Variants in AFF2 observed in about 807,000 individuals in gnomAD.
The protein encoded by AFF2 is ALF transcription elongation factor 2.
A neutral mutation model predicts 76.9 loss-of-function variants in AFF2; 14 were observed. That is an observed-to-expected ratio of 0.18 (90% CI 0.12 to 0.28). The LOEUF (loss-of-function observed/expected upper bound fraction) is 0.28. Ranked by LOEUF, AFF2 falls within the 10% of genes least tolerant of loss-of-function variation. The pLI is 1.00. For synonymous variants in AFF2, 398 were observed against 366.7 expected, an observed-to-expected ratio of 1.09 and a Z score of -0.98; for missense variants, 868 against 1,001.1, an observed-to-expected ratio of 0.87 and a Z score of 1.79.
At chrX:148,983,637 G>T (rs781940745) in intron 19 of AFF2, among the ~76,000 whole-genome samples, 1 of 111,421 alleles carries the variant, frequency 9.0e-6, no homozygotes, top group African/African-American at 3.3e-5. Context: ...ACTCCAGATT[G>T]CCAGAAAAGA....
intron 9 of AFF2, among the ~76,000 whole-genome samples, chrX:148,930,618 G>A (rs2071700777): frequency 8.9e-6 from 1 of 112,268 alleles, no homozygotes; most frequent in Admixed American, 9.4e-5. Context: ...ATTCACTACT[G>A]GCATTCTAAA....
intron 3 of AFF2, among the ~76,000 whole-genome samples, chrX:148,750,171 T>C (rs2055479654): frequency 1.8e-5 from 2 of 110,074 alleles, no homozygotes; most frequent in Non-Finnish European, 3.8e-5. Flanking sequence ...CATTTCACCA[T>C]GTTGGCCAGG....
rs2072602593 is a variant in AFF2, at chrX:148,996,571, A to G, written c.*5239A>G. On this transcript the variant is annotated 3_prime_UTR_variant, in exon 21 of 21. Coordinates refer to ENST00000370460, the MANE Select transcript of AFF2 (RefSeq NM_002025.4). ...TGTGGACACACACAGACACACACAC[A>G]CAAACTCACCCTTACACACACACTT... 8.9e-6 allele frequency: 1 copy of G among 112,557 alleles called. No individual in the cohort carries two copies. Among genetic ancestry groups the G allele is most frequent in the South Asian group, 3.7e-4 (1 of 2,694 alleles). 9.3% of individuals were successfully genotyped at this position (112,557 alleles called of 1,213,427 possible).
chrX:148,686,300 A>G (rs2054601525), intron 3 of AFF2, among the ~76,000 whole-genome samples: 1 of 111,789 alleles, frequency 8.9e-6, no homozygotes, highest in Non-Finnish European at 1.9e-5. Context: ...TGCTGAATGA[A>G]AGGCCCAGGA....
intron 1 of AFF2, among the ~76,000 whole-genome samples, chrX:148,511,315 G>T (rs781936438): frequency 2.7e-5 from 3 of 111,453 alleles, no homozygotes; most frequent in East Asian, 2.8e-4. Flanking sequence ...TAGTACAAAG[G>T]GGGGATAACA....
intron 7 of AFF2, among the ~76,000 whole-genome samples, chrX:148,862,074 A>C (rs1350910427): frequency 1.8e-5 from 2 of 110,885 alleles, no homozygotes; most frequent in African/African-American, 6.6e-5. Context: ...AGAGACAAAA[A>C]CACTGCATAC....
chrX:148,793,442 T>C (rs1206942897), intron 3 of AFF2, among the ~76,000 whole-genome samples: 2 of 111,725 alleles, frequency 1.8e-5, no homozygotes, highest in Non-Finnish European at 3.8e-5. Context: ...TTTGAAGAGA[T>C]ACTATGTTTT....
chrX:148,677,846 G>T (rs1187732199), intron 3 of AFF2, among the ~76,000 whole-genome samples: 1 of 111,762 alleles, frequency 8.9e-6, no homozygotes, highest in Non-Finnish European at 1.9e-5. Flanking sequence ...GGGTTGTTCT[G>T]ACTATCTGTA....
intron 1 of AFF2, among the ~76,000 whole-genome samples, chrX:148,554,999 A>T (rs1017302140): frequency 2.1e-4 from 24 of 112,554 alleles, no homozygotes; most frequent in Non-Finnish European, 9.4e-5. Flanking sequence ...TCTGGGTCTT[A>T]GCCCTGTCTC....
Position 148,725,346 on chromosome X carries a change from G to A in AFF2, c.1041+62578G>A, listed in dbSNP as rs541120879. Among the ~76,000 whole-genome samples, 59 of 110,819 alleles carry A rather than the reference G, an allele frequency of 5.3e-4. 1 individual carries two copies. Among genetic ancestry groups the A allele is most frequent in the African/African-American group, 1.8e-3 (55 of 30,536 alleles). On this transcript the variant is annotated intron_variant, in intron 3 of 20. Transcript: ENST00000370460. ...TTTCCTGGGAGGTGGAGTGGGTTCT[G>A]GGATCCTCTTACCAGGATTTGGTCT...
chrX:148,936,966 C>G (rs1557285089), intron 9 of AFF2, among the ~76,000 whole-genome samples: 1 of 112,267 alleles, frequency 8.9e-6, no homozygotes, highest in Non-Finnish European at 1.9e-5. Context: ...TGTGACATTA[C>G]TCAGAGGCTC....
intron 1 of AFF2, among the ~76,000 whole-genome samples, chrX:148,552,704 C>A (rs1020620964): frequency 7.1e-5 from 8 of 112,289 alleles, no homozygotes; most frequent in Admixed American, 3.8e-4. Flanking sequence ...TATTACAAAA[C>A]AAGTCTTGGC....
intron 3 of AFF2, among the ~76,000 whole-genome samples, chrX:148,794,213 C>T (rs1186382809): frequency 8.9e-6 from 1 of 112,094 alleles, no homozygotes; most frequent in Non-Finnish European, 1.9e-5. Flanking sequence ...TTGAAAGGAG[C>T]AATGAAAGGG....
chrX:148,561,000 T>G (rs1557240572), intron 1 of AFF2, among the ~76,000 whole-genome samples: 1 of 111,832 alleles, frequency 8.9e-6, no homozygotes. Flanking sequence ...TCTGCCATGG[T>G]AGACCATATT....
chrX:148,643,302 C>T (rs2054108061), intron 1 of AFF2, among the ~76,000 whole-genome samples: 1 of 111,744 alleles, frequency 8.9e-6, no homozygotes, highest in African/African-American at 3.3e-5. Flanking sequence ...AATACATTTG[C>T]TATATTCACT....
chrX:148,509,270 CTT>C (rs199537752), intron 1 of AFF2, among the ~76,000 whole-genome samples: 1,349 of 111,991 alleles, frequency 0.012, 9 homozygotes, highest in Non-Finnish European at 0.019. Flanking sequence ...CCATGAAACT[CTT>C]TTATTACTAT....
At chrX:148,608,068 T>C (rs902369434) in intron 1 of AFF2, among the ~76,000 whole-genome samples, 1 of 111,809 alleles carries the variant, frequency 8.9e-6, no homozygotes, top group Non-Finnish European at 1.9e-5. Context: ...TGTAGAGCTA[T>C]AATCTAGTTT....
intron 3 of AFF2, among the ~76,000 whole-genome samples, chrX:148,807,424 G>C (rs2070150271): frequency 9.0e-6 from 1 of 111,583 alleles, no homozygotes; most frequent in South Asian, 3.8e-4. Flanking sequence ...ATTTAAAAAG[G>C]ATGGGTATTA....
intron 3 of AFF2, among the ~76,000 whole-genome samples, chrX:148,767,725 T>C (rs1463466071): frequency 8.9e-6 from 1 of 112,459 alleles, no homozygotes. Context: ...AGTTGGGTAT[T>C]CTTAATGAAA....
Sources: gnomAD v4.1 joint callset for allele counts (sites outside exome capture counted in the v4.1 genomes callset) on GRCh38, gnomAD v4.1.1 for gene constraint, MANE v1.5 for transcripts, NCBI Gene and HGNC (gene_info 2026-07-23, HGNC 2026-07-21) for gene names.